Variants in ENOX1 observed in about 807,000 individuals in gnomAD.
ENOX1 encodes the protein ecto-NOX disulfide-thiol exchanger 1.
In ENOX1, 42 loss-of-function variants were observed where a neutral mutation model predicts 82.5. That is an observed-to-expected ratio of 0.51 (90% confidence interval 0.40 to 0.66). ENOX1 has a LOEUF of 0.66. ENOX1 is among the 30% of genes least tolerant of loss of function. The pLI is 0.00. For synonymous variants in ENOX1, 271 were observed against 282.2 expected (o/e 0.96, Z 0.40); for missense variants, 608 against 811.6 (o/e 0.75, Z 3.05).
intron 11 of ENOX1, among the ~76,000 whole-genome samples, chr13:43,310,745 TA>T (rs752126995): frequency 6.6e-6 from 1 of 152,056 alleles, no homozygotes; most frequent in Non-Finnish European, 1.5e-5. Flanking sequence ...AAGAGAAAAT[TA>T]AATCAACATA....
Position 43,437,209 on chromosome 13 carries a change from T to C in ENOX1, c.-74-24221A>G, listed in dbSNP as rs372566311. ...ATGACAGAACTGTTCAACTCCCATT[T>C]TGTGAATCCACCCCTGCAAGCAAAA... is the stretch of plus-strand genomic sequence containing the variant. On this transcript the variant is annotated intron_variant, in intron 3 of 16. Transcript: ENST00000690772. 2.4e-4 allele frequency among the ~76,000 whole-genome samples: 36 copies of C among 152,294 alleles called. No individual in the cohort carries two copies. The South Asian group carries it at 7.5e-3, about 32-fold the overall frequency.
At chr13:43,508,782 A>C (rs962904612) in intron 2 of ENOX1, among the ~76,000 whole-genome samples, 3 of 152,180 alleles carry the variant, frequency 2.0e-5, no homozygotes, top group Admixed American at 6.6e-5. Flanking sequence ...TAGAACTAAA[A>C]AGGAACTAAC....
At chr13:43,372,808 AG>A (rs35366117) in intron 5 of ENOX1, among the ~76,000 whole-genome samples, 3 of 152,202 alleles carry the variant, frequency 2.0e-5, no homozygotes, top group Non-Finnish European at 2.9e-5. Context: ...TAGAAATAAA[AG>A]GAAGAAATAA....
chr13:43,463,126 C>T (rs926429111), intron 3 of ENOX1, among the ~76,000 whole-genome samples: 1 of 152,094 alleles, frequency 6.6e-6, no homozygotes, highest in Admixed American at 6.5e-5. Flanking sequence ...GCACTCAGAT[C>T]CCACACGCTA....
At chr13:43,427,595 T>C (rs1004837420) in intron 3 of ENOX1, among the ~76,000 whole-genome samples, 3 of 152,202 alleles carry the variant, frequency 2.0e-5, no homozygotes, top group Non-Finnish European at 2.9e-5. Context: ...TGGGGGTAGA[T>C]TTATTTATGC....
intron 2 of ENOX1, among the ~76,000 whole-genome samples, chr13:43,660,482 C>T (rs1594302858): frequency 6.6e-6 from 1 of 152,090 alleles, no homozygotes; most frequent in African/African-American, 2.4e-5. Context: ...TCAAGAGGAA[C>T]AGGAAATAGA....
intron 11 of ENOX1, among the ~76,000 whole-genome samples, chr13:43,306,546 T>C (rs1234891780): frequency 6.6e-6 from 1 of 152,158 alleles, no homozygotes; most frequent in Non-Finnish European, 1.5e-5. Flanking sequence ...TGCACCTCCC[T>C]TGGGTGTAGT....
At chr13:43,273,580 C>A (rs531508465) in intron 12 of ENOX1, among the ~76,000 whole-genome samples, 3 of 152,118 alleles carry the variant, frequency 2.0e-5, no homozygotes, top group African/African-American at 7.2e-5. Flanking sequence ...TCAGATGATG[C>A]CTTTGTAAAA....
In ENOX1 at chr13:43,337,229, A is replaced by AT. The variant is rs1316110975; in HGVS notation, c.1036+7308dup. 3.9e-5 allele frequency among the ~76,000 whole-genome samples: 6 copies of AT among 152,070 alleles called. No individual in the cohort carries two copies. The East Asian group carries it at 9.6e-4, about 24-fold the overall frequency. On this transcript the variant is annotated intron_variant, in intron 9 of 16. Coordinates refer to ENST00000690772, the MANE Select transcript of ENOX1 (RefSeq NM_001347969.2). ...CACCTGTGATTGGTCAACAACCAAT[A>AT]TTTTTTTTCTTAGGTCTTCTATGTG...
At chr13:43,771,354 C>T (rs919557542) in intron 1 of ENOX1, among the ~76,000 whole-genome samples, 2 of 152,030 alleles carry the variant, frequency 1.3e-5, no homozygotes. Context: ...GTGGGATAAA[C>T]CCCCGAGGAC....
At chr13:43,222,617 G>C (rs943134962) in intron 16 of ENOX1, among the ~76,000 whole-genome samples, 1 of 152,214 alleles carries the variant, frequency 6.6e-6, no homozygotes, top group African/African-American at 2.4e-5. Context: ...ACAAGGGAAG[G>C]ATGGTAGCAA....
At chr13:43,688,239 T>C (rs1369085037) in intron 1 of ENOX1, among the ~76,000 whole-genome samples, 1 of 152,134 alleles carries the variant, frequency 6.6e-6, no homozygotes, top group Admixed American at 6.5e-5. Context: ...CATTTCCTTT[T>C]AGCAAGATTA....
At chr13:43,734,684 C>A (rs1306544714) in intron 1 of ENOX1, among the ~76,000 whole-genome samples, 1 of 152,138 alleles carries the variant, frequency 6.6e-6, no homozygotes, top group Non-Finnish European at 1.5e-5. Context: ...AATGACAACT[C>A]TCTATCATTT....
rs141260839 is a variant in ENOX1, at chr13:43,729,055, C to A, written c.-285+57597G>T. ...ACCACAAAAACCACTTAGTTCCGTA[C>A]CTTTGTTTTGCACATGAGAAAACTG... On this transcript the variant is annotated intron_variant, in intron 1 of 16. Coordinates refer to ENST00000690772, the MANE Select transcript of ENOX1 (RefSeq NM_001347969.2). Among the ~76,000 whole-genome samples, 255 of 152,232 alleles carry A rather than the reference C, an allele frequency of 1.7e-3. 1 individual carries two copies. Among genetic ancestry groups the A allele is most frequent in the African/African-American group, 5.5e-3 (227 of 41,532 alleles).
At chr13:43,337,383 G>C (rs2048775161) in intron 9 of ENOX1, among the ~76,000 whole-genome samples, 1 of 152,132 alleles carries the variant, frequency 6.6e-6, no homozygotes, top group African/African-American at 2.4e-5. Context: ...CAATAAACTT[G>C]ATGCACATAA....
chr13:43,235,987 C>T (rs2042529960), intron 15 of ENOX1, among the ~76,000 whole-genome samples: 1 of 152,172 alleles, frequency 6.6e-6, no homozygotes, highest in South Asian at 2.1e-4. Flanking sequence ...CTTAAACATA[C>T]AGGCATCTAA....
intron 5 of ENOX1, among the ~76,000 whole-genome samples, chr13:43,385,102 AG>A (rs1368454121): frequency 1.3e-5 from 2 of 152,176 alleles, no homozygotes; most frequent in Non-Finnish European, 2.9e-5. Flanking sequence ...TGGCAGGGAA[AG>A]GTTCTCTGAT....
chr13:43,618,250 T>G (rs2082568572), intron 2 of ENOX1, among the ~76,000 whole-genome samples: 1 of 152,202 alleles, frequency 6.6e-6, no homozygotes, highest in African/African-American at 2.4e-5. Flanking sequence ...TTCAGTTTAA[T>G]TAGGTCCCAG....
At chr13:43,262,341 T>C (rs1031753876) in intron 14 of ENOX1, among the ~76,000 whole-genome samples, 5 of 152,188 alleles carry the variant, frequency 3.3e-5, no homozygotes, top group African/African-American at 7.2e-5. Flanking sequence ...CCCAGCTAAG[T>C]TGGCACCAGT....
Sources: gnomAD v4.1 joint callset for allele counts (sites outside exome capture counted in the v4.1 genomes callset) on GRCh38, gnomAD v4.1.1 for gene constraint, MANE v1.5 for transcripts, NCBI Gene and HGNC (gene_info 2026-07-23, HGNC 2026-07-21) for gene names.